Variants in MAGED2 observed in about 807,000 individuals in gnomAD.
MAGED2 encodes the protein MAGE family member D2.
In MAGED2, 6 loss-of-function variants were observed where a neutral mutation model predicts 41.7. That is an observed-to-expected ratio of 0.14 (90% CI 0.08 to 0.28). The LOEUF is 0.28. MAGED2 is among the 10% of genes least tolerant of loss of function. The pLI is 1.00. For missense variants in MAGED2, 343 were observed against 486.4 expected (o/e 0.71, Z 2.77); for synonymous variants, 146 against 178.2 (o/e 0.82, Z 1.44).
At chrX:54,813,285 C>A in intron 9 of MAGED2, 125 bp downstream of exon 9, 1 of 1,077,184 alleles carries the variant, frequency 9.3e-7, no homozygotes, top group Non-Finnish European at 1.3e-6. Flanking sequence ...GTAGAGGGCC[C>A]AGGGTTCTGA....
chrX:54,808,949 C>T (rs987698041), intron 1 of MAGED2: 2 of 263,918 alleles, frequency 7.6e-6, no homozygotes, highest in Admixed American at 5.1e-5. Context: ...CGCATGTGCA[C>T]GGTGGACATC....
In MAGED2 at chrX:54,810,198, C is replaced by G; in HGVS notation, c.522C>G (p.Ala174=). ...ENQDTRPKVK[A]KKARKVKHLD... ...AGGATACTCGGCCCAAGGTCAAAGCCAAGAAAGCCCGAAAGGTAAGACCTC... is the reference window on the plus strand; with the variant it reads ...AGGATACTCGGCCCAAGGTCAAAGCGAAGAAAGCCCGAAAGGTAAGACCTC... The change falls in exon 3 of 13, where the codon GCC becomes GCG. Residue 174 remains alanine, a synonymous_variant. Coordinates refer to ENST00000375068, the MANE Select transcript of MAGED2 (RefSeq NM_177433.3). 1 of 1,141,985 alleles carries G rather than the reference C, an allele frequency of 8.8e-7. No individual in the cohort carries two copies. Among genetic ancestry groups the G allele is most frequent in the Non-Finnish European group, 1.2e-6 (1 of 860,038 alleles). 94.1% of individuals were successfully genotyped at this position (1,141,985 alleles called of 1,213,427 possible).
chrX:54,811,109 G>A lies in MAGED2; in HGVS notation c.826G>A (p.Val276Met). ...QEPEAPPPRD[V>M]ALLQGRANDL... is the part of the protein sequence containing the mutation. ...GCCTGAAGCACCACCACCTCGGGAT[G>A]TGGCCCTTTTGCAAGGGAGGGTAAG... The change falls in exon 4 of 13, where the codon GTG becomes ATG. Residue 276 changes from valine to methionine, a missense_variant. By Grantham distance (21) the Val-to-Met change is conservative. Around this residue, in one of 3 missense-constraint regions of MAGED2, gnomAD observed 195 missense variants for 221.2 expected, o/e 0.88. Coordinates refer to ENST00000375068, the MANE Select transcript of MAGED2 (RefSeq NM_177433.3). 1 of 1,196,293 alleles carries A rather than the reference G, an allele frequency of 8.4e-7. No individual in the cohort carries two copies. Among genetic ancestry groups the A allele is most frequent in the Non-Finnish European group, 1.1e-6 (1 of 886,846 alleles).
intron 10 of MAGED2, 174 bp from the exon 11 acceptor site, chrX:54,814,487 G>A (rs1481122313): frequency 1.3e-5 from 7 of 547,316 alleles, no homozygotes; most frequent in East Asian, 3.3e-5. Flanking sequence ...ATGAACAAAC[G>A]TCCCCCAACA....
In MAGED2 at chrX:54,811,590, C is replaced by A; in HGVS notation, c.927C>A (p.Ile309=). ...PIKRSDMLKD[I]IKEYTDVYPE... The stretch of plus-strand genomic sequence containing the variant: ...CCCTTGCAGACATGCTGAAGGACAT[C>A]ATCAAAGAATACACTGATGTGTACC... Residue 309 remains isoleucine, a synonymous_variant, in exon 6 of 13, where the codon ATC becomes ATA. Coordinates refer to ENST00000375068, the MANE Select transcript of MAGED2 (RefSeq NM_177433.3). 1.7e-6 allele frequency: 2 copies of A among 1,207,113 alleles called. No homozygotes were observed. Among genetic ancestry groups the A allele is most frequent in the Non-Finnish European group, 2.2e-6 (2 of 891,195 alleles).
At chrX:54,812,394 T>C (rs1929835943) in intron 7 of MAGED2, 143 bp downstream of exon 7, 1 of 406,963 alleles carries the variant, frequency 2.5e-6, no homozygotes, top group Non-Finnish European at 4.3e-6. Context: ...CTATGCATAG[T>C]TGGAGCCCTG....
intron 1 of MAGED2, 127 bp downstream of exon 1, chrX:54,807,929 G>T (rs1373815852): frequency 8.9e-6 from 1 of 112,418 alleles, no homozygotes; most frequent in Non-Finnish European, 1.9e-5. Flanking sequence ...GACCTGGAGT[G>T]GGGTGTAGGC....
chrX:54,810,754 A>G, intron 3 of MAGED2, 67 bp from the exon 4 acceptor site: 1 of 975,801 alleles, frequency 1.0e-6, no homozygotes, highest in Non-Finnish European at 1.4e-6. Context: ...TTCCTGGAAG[A>G]GATAGGGAGA....
Position 54,815,458 on chromosome X carries a change from G to A in MAGED2, c.1597G>A (p.Ala533Thr). Residue 533 changes from alanine (A) to threonine (T), a missense_variant, in exon 12 of 13, where the codon GCG becomes ACG. Physicochemically the swap from Ala to Thr is moderately conservative, Grantham distance 58. This residue lies in a region of MAGED2 where 53 missense variants were observed against 60.4 expected (regional missense o/e 0.88). Transcript: ENST00000375068. ...ACCCTGGGCCAAAGCCCGGATCCAG[G>A]CGGGAGCAGAAGCTAAAGCCAAAGC... ...IGPWAKARIQAGAEAKAKAQE... is the reference protein window; with the variant it reads ...IGPWAKARIQTGAEAKAKAQE... 5.8e-6 allele frequency: 7 copies of A among 1,203,759 alleles called. No homozygotes were observed. The highest frequency in any genetic ancestry group is 7.9e-6 in the Non-Finnish European group (7 of 890,950).
intron 3 of MAGED2, 80 bp downstream of exon 3, chrX:54,810,293 A>T: frequency 1.6e-6 from 1 of 633,872 alleles, no homozygotes; most frequent in Non-Finnish European, 2.3e-6. Flanking sequence ...ATTTAGAAAG[A>T]TCCCTGTGCT....
At chrX:54,809,513 T>TGGAG in intron 2 of MAGED2, 137 bp downstream of exon 2, 2 of 864,411 alleles carry the variant, frequency 2.3e-6, no homozygotes, top group Non-Finnish European at 3.3e-6. Context: ...CCCTGCCCAG[T>TGGAG]GGAGGGAGGG....
At position 54,813,525 on chromosome X, in the gene MAGED2, A is replaced by C; in HGVS notation, c.1246A>C (p.Ile416Leu). 1 of 1,208,427 alleles carries C rather than the reference A, an allele frequency of 8.3e-7. No homozygotes were observed. Among genetic ancestry groups the C allele is most frequent in the Non-Finnish European group, 1.1e-6 (1 of 892,363 alleles). ...ACTCTTTGGGGACGTGAAGAAGCTC[A>C]TCACTGATGAGTTTGTGAAGCAGAA... ...HSLFGDVKKL[I>L]TDEFVKQKYL... Residue 416 changes from isoleucine (I) to leucine (L), a missense_variant, in exon 10 of 13, where the codon ATC becomes CTC. Physicochemically the swap from Ile to Leu is conservative, Grantham distance 5 (BLOSUM62 2). Transcript: ENST00000375068.
At chrX:54,811,857 A>G (rs944875438) in intron 6 of MAGED2, among the ~76,000 whole-genome samples, 1 of 111,799 alleles carries the variant, frequency 8.9e-6, no homozygotes, top group Non-Finnish European at 1.9e-5. Context: ...AGGACCCAAG[A>G]CACCCAACTT....
Position 54,815,259 on chromosome X carries a change from G to A in MAGED2, c.1398G>A (p.Lys466=). 8.7e-7 allele frequency: 1 copy of A among 1,145,229 alleles called. No individual in the cohort carries two copies. The highest frequency in any genetic ancestry group is 2.1e-5 in the South Asian group (1 of 47,697). The allele number at this position is 1,145,229 out of a possible 1,213,427, so 94.4% of individuals were successfully genotyped here. The part of the protein sequence containing the change: ...VLKFACKVQK[K]DPKEWAAQYR... ...TATTTTTGTTTCAGGTACAAAAGAA[G>A]GATCCCAAGGAATGGGCAGCTCAGT... is the stretch of plus-strand genomic sequence containing the variant. Residue 466 remains lysine (K), a synonymous_variant, in exon 12 of 13, where the codon AAG becomes AAA. Coordinates refer to ENST00000375068, the MANE Select transcript of MAGED2 (RefSeq NM_177433.3).
In MAGED2 at chrX:54,810,852, G is replaced by C. The variant is rs1860788067; in HGVS notation, c.569G>C (p.Ser190Thr). Residue 190 changes from serine (S) to threonine (T), a missense_variant, in exon 4 of 13, where the codon AGC becomes ACC. By Grantham distance (58) the Ser-to-Thr change is moderately conservative. Coordinates refer to ENST00000375068, the MANE Select transcript of MAGED2 (RefSeq NM_177433.3). ...VKHLDGEEDG[S>T]SDQSQASGTT... ...CATCTGGATGGGGAAGAGGATGGCAGCAGTGATCAGAGTCAGGCTTCTGGA... is the reference window on the plus strand; with the variant it reads ...CATCTGGATGGGGAAGAGGATGGCACCAGTGATCAGAGTCAGGCTTCTGGA... 8.4e-7 allele frequency: 1 copy of C among 1,187,048 alleles called. No homozygotes were observed. The highest frequency in any genetic ancestry group is 2.4e-5 in the Admixed American group (1 of 42,542).
At chrX:54,811,522 G>T in intron 5 of MAGED2, 52 bp from the exon 6 acceptor site, 1 of 1,061,753 alleles carries the variant, frequency 9.4e-7, no homozygotes, top group South Asian at 1.9e-5. Context: ...TTGGGCATCA[G>T]GGCCACCTGG....
intron 9 of MAGED2, 108 bp from the exon 10 acceptor site, chrX:54,813,380 T>C (rs1929864527): frequency 2.3e-6 from 2 of 862,751 alleles, no homozygotes; most frequent in South Asian, 4.7e-5. Context: ...TTCCCTCTTG[T>C]GCTGGAAACC....
At chrX:54,809,137 T>C (rs1320562962) in intron 1 of MAGED2, 166 bp from the exon 2 acceptor site, 3 of 441,746 alleles carry the variant, frequency 6.8e-6, no homozygotes, top group East Asian at 7.7e-5. Context: ...CTGCAGAGAA[T>C]TGAGACTTAG....
Position 54,810,209 on chromosome X carries a change from G to A in MAGED2, c.533G>A (p.Arg178Gln), listed in dbSNP as rs775474912. The change falls in exon 3 of 13, where the codon CGA (arginine) becomes CAA (glutamine). Residue 178 changes from arginine (R) to glutamine (Q), a missense_variant. Around this residue, in one of 3 missense-constraint regions of MAGED2, gnomAD observed 195 missense variants for 221.2 expected, o/e 0.88. Coordinates refer to ENST00000375068, the MANE Select transcript of MAGED2 (RefSeq NM_177433.3). ...TRPKVKAKKA[R>Q]KVKHLDGEED... Reference sequence around the variant, plus strand: ...CCCAAGGTCAAAGCCAAGAAAGCCCGAAAGGTAAGACCTCTGCAGTCACCA... The same window carrying A: ...CCCAAGGTCAAAGCCAAGAAAGCCCAAAAGGTAAGACCTCTGCAGTCACCA... The A allele has an allele frequency of 1.2e-5, 13 of 1,115,902 alleles. No homozygotes were observed. Among genetic ancestry groups the A allele is most frequent in the African/African-American group, 1.9e-5 (1 of 53,810 alleles). 92.0% of individuals were successfully genotyped at this position (1,115,902 alleles called of 1,213,427 possible).
Sources: gnomAD v4.1 joint callset for allele counts (sites outside exome capture counted in the v4.1 genomes callset) on GRCh38, gnomAD v4.1.1 for gene constraint, gnomAD v4.1.1 regional missense constraint, MANE v1.5 for transcripts, NCBI Gene and HGNC (gene_info 2026-07-23, HGNC 2026-07-21) for gene names.